The following UMAD1 variants were observed in gnomAD, a reference collection of about 807,000 sequenced individuals.
UMAD1 encodes UBAP1-MVB12-associated (UMA) domain containing 1.
UMAD1 carries 8 observed loss-of-function variants against 6.1 expected under a neutral mutation model. The observed-to-expected ratio is 1.30, with a 90% CI of 0.76 to 2.35. The LOEUF (loss-of-function observed/expected upper bound fraction) is 2.35, where lower values mean the gene tolerates loss of function less well. UMAD1 is among the 30% of genes most tolerant of loss of function. The pLI, the probability that UMAD1 is intolerant of heterozygous loss-of-function variation, is 0.00. For missense variants in UMAD1, 130 were observed against 78.4 expected, an observed-to-expected ratio of 1.66 and a Z score of -2.49; for synonymous variants, 56 against 31.4, an observed-to-expected ratio of 1.78 and a Z score of -2.61.
At chr7:7,844,844 T>C (rs1783753318) in intron 3 of UMAD1, among the ~76,000 whole-genome samples, 1 of 152,206 alleles carries the variant, frequency 6.6e-6, no homozygotes, top group Non-Finnish European at 1.5e-5. Flanking sequence ...ATTTACTGTT[T>C]ACAGCCTTTA....
At chr7:7,650,198 C>A (rs1328185931) in intron 1 of UMAD1, among the ~76,000 whole-genome samples, 2 of 152,166 alleles carry the variant, frequency 1.3e-5, no homozygotes, top group Non-Finnish European at 2.9e-5. Context: ...TGTAATCCCA[C>A]AATTTACGTT....
At chr7:7,761,367 A>G in intron 2 of UMAD1, among the ~76,000 whole-genome samples, 1 of 151,848 alleles carries the variant, frequency 6.6e-6, no homozygotes, top group East Asian at 1.9e-4. Flanking sequence ...CCTAACTAAA[A>G]AAAAAAAAGT....
chr7:7,665,145 G>A (rs1297416377), intron 1 of UMAD1, among the ~76,000 whole-genome samples: 2 of 152,114 alleles, frequency 1.3e-5, no homozygotes, highest in African/African-American at 2.4e-5. Context: ...AAATTCAAAG[G>A]AGATAATCAA....
chr7:7,706,802 A>G (rs1368731004), intron 2 of UMAD1, among the ~76,000 whole-genome samples: 3 of 152,266 alleles, frequency 2.0e-5, no homozygotes, highest in East Asian at 1.9e-4. Context: ...CTTAATCCGT[A>G]TGTTCTACAT....
At chr7:7,821,703 G>A (rs934685971) in intron 3 of UMAD1, among the ~76,000 whole-genome samples, 1 of 152,104 alleles carries the variant, frequency 6.6e-6, no homozygotes, top group Admixed American at 6.6e-5. Flanking sequence ...AATAGCAATC[G>A]ATAGATACGG....
intron 1 of UMAD1, among the ~76,000 whole-genome samples, chr7:7,665,897 G>C (rs1779441644): frequency 6.6e-6 from 1 of 151,096 alleles, no homozygotes; most frequent in Non-Finnish European, 1.5e-5. Context: ...TACCGAATGG[G>C]ATGCATATGG....
chr7:7,809,805 C>G (rs753144009), intron 3 of UMAD1, among the ~76,000 whole-genome samples: 5 of 151,988 alleles, frequency 3.3e-5, no homozygotes, highest in African/African-American at 4.8e-5. Context: ...TTTCATACAT[C>G]CATTATGTCT....
chr7:7,815,718 A>G (rs1013010475), intron 3 of UMAD1, among the ~76,000 whole-genome samples: 2 of 152,170 alleles, frequency 1.3e-5, no homozygotes, highest in Non-Finnish European at 2.9e-5. Flanking sequence ...GCCATATTAT[A>G]ACATATGGCC....
intron 2 of UMAD1, among the ~76,000 whole-genome samples, chr7:7,731,261 A>G (rs557452359): frequency 2.0e-5 from 3 of 152,226 alleles, no homozygotes; most frequent in South Asian, 4.2e-4. Context: ...AGGCCTCCCA[A>G]AGTGCTGGGA....
chr7:7,756,083 A>C (rs1047909632), intron 2 of UMAD1, among the ~76,000 whole-genome samples: 2 of 152,240 alleles, frequency 1.3e-5, no homozygotes, highest in African/African-American at 4.8e-5. Flanking sequence ...AATCAGAAAG[A>C]AAGGACTATG....
intron 2 of UMAD1, among the ~76,000 whole-genome samples, chr7:7,739,268 C>A (rs1370828771): frequency 2.6e-5 from 4 of 152,186 alleles, no homozygotes; most frequent in African/African-American, 9.7e-5. Flanking sequence ...GAGGTTTAAT[C>A]ATGCAGTCAA....
intron 2 of UMAD1, among the ~76,000 whole-genome samples, chr7:7,688,703 C>T (rs544931321): frequency 1.1e-4 from 17 of 152,196 alleles, no homozygotes; most frequent in African/African-American, 3.4e-4. Flanking sequence ...ATGTTATTTA[C>T]GCCTTTATTT....
intron 3 of UMAD1, among the ~76,000 whole-genome samples, chr7:7,842,583 AAAAT>A (rs1213144171): frequency 6.6e-6 from 1 of 152,076 alleles, no homozygotes; most frequent in East Asian, 1.9e-4. Flanking sequence ...GGTATTGAGT[AAAAT>A]GTGGCAAGGC....
At chr7:7,661,747 C>T (rs548086577) in intron 1 of UMAD1, among the ~76,000 whole-genome samples, 1 of 152,300 alleles carries the variant, frequency 6.6e-6, no homozygotes, top group East Asian at 1.9e-4. Flanking sequence ...CTGTCGGCCC[C>T]TGCTGGGAGG....
At chr7:7,708,314 T>TGACTTGTAGAC (rs1780657433) in intron 2 of UMAD1, among the ~76,000 whole-genome samples, 1 of 152,198 alleles carries the variant, frequency 6.6e-6, no homozygotes, top group Non-Finnish European at 1.5e-5. Flanking sequence ...TAGTTAATGT[T>TGACTTGTAGAC]GAATAAGCTA....
At chr7:7,768,051 G>T (rs1045167128) in intron 2 of UMAD1, among the ~76,000 whole-genome samples, 1 of 151,834 alleles carries the variant, frequency 6.6e-6, no homozygotes, top group Admixed American at 6.6e-5. Flanking sequence ...TCTTAGAAAG[G>T]CTTCTTTTTA....
chr7:7,659,133 G>A (rs1000615153), intron 1 of UMAD1, among the ~76,000 whole-genome samples: 29 of 152,178 alleles, frequency 1.9e-4, no homozygotes, highest in Non-Finnish European at 7.3e-5. Flanking sequence ...TTGTATTGCT[G>A]TGGGATCAAT....
chr7:7,723,384 C>G (rs115448508), intron 2 of UMAD1, among the ~76,000 whole-genome samples: 126 of 152,234 alleles, frequency 8.3e-4, no homozygotes, highest in African/African-American at 2.9e-3. Flanking sequence ...AAAAAATGTT[C>G]TAATGTAGTT....
chr7:7,830,273 T>TA lies in UMAD1; in HGVS notation c.156+28533dup, dbSNP rs1221011194. On this transcript the variant is annotated intron_variant, in intron 3 of 3. Coordinates refer to ENST00000682710, the MANE Select transcript of UMAD1 (RefSeq NM_001302348.2). The surrounding 1 kb of genome is among the most constrained non-coding windows in gnomAD (Gnocchi z 5.3). ...ATCACACGGCTCTCTGTCTGCTTGC[T>TA]AAAGATTGAGTGTGGAATACCTTTT... Among the ~76,000 whole-genome samples the TA allele has an allele frequency of 6.6e-6, 1 of 152,118 alleles. No individual in the cohort carries two copies. The highest frequency in any genetic ancestry group is 2.4e-5 in the African/African-American group (1 of 41,434).
Sources: allele counts gnomAD v4.1 joint callset (sites outside exome capture counted in the v4.1 genomes callset), GRCh38; gene constraint gnomAD v4.1.1; non-coding constraint Gnocchi (gnomAD v3.1); transcripts MANE v1.5; gene names NCBI Gene and HGNC (gene_info 2026-07-23, HGNC 2026-07-21).